The following GNG12 variants were observed in gnomAD, a reference collection of about 807,000 sequenced individuals.
GNG12 encodes the protein guanine nucleotide-binding protein G(I)/G(S)/G(O) subunit gamma-12.
For missense variants in GNG12, 69 were observed against 83.8 expected, an observed-to-expected ratio of 0.82 and a Z score of 0.69; for synonymous variants, 28 against 29.7, an observed-to-expected ratio of 0.94 and a Z score of 0.19.
chr1:67,761,485 A>C (rs1646604303), intron 2 of GNG12, among the ~76,000 whole-genome samples: 2 of 152,112 alleles, frequency 1.3e-5, no homozygotes, highest in Non-Finnish European at 1.5e-5. Context: ...CATGAAGGGA[A>C]TGGATAATGG....
intron 1 of GNG12, 91 bp downstream of exon 1, chr1:67,833,253 C>T: frequency 1.1e-5 from 3 of 284,510 alleles, no homozygotes; most frequent in Non-Finnish European, 1.6e-5. Flanking sequence ...GACTCGGAGG[C>T]GGCCCCCGAA....
At chr1:67,771,292 A>T (rs78764269) in intron 2 of GNG12, among the ~76,000 whole-genome samples, 3 of 152,246 alleles carry the variant, frequency 2.0e-5, no homozygotes, top group African/African-American at 7.2e-5. Context: ...GACTTCACAG[A>T]CACTACCTCA....
chr1:67,717,054 C>T (rs1412099605), intron 2 of GNG12, among the ~76,000 whole-genome samples: 1 of 152,126 alleles, frequency 6.6e-6, no homozygotes, highest in Admixed American at 6.5e-5. Flanking sequence ...TTAAGAAAGT[C>T]TGATTCAGTA....
Position 67,833,407 on chromosome 1 carries a change from C to T in GNG12, c.-140G>A, listed in dbSNP as rs1007030482. ...CTCGGTCTCTAAGGGCTCCTGGAGACGGCTCCGACCTCTCCTCCTCCTCCT... is the reference window on the plus strand; with the variant it reads ...CTCGGTCTCTAAGGGCTCCTGGAGATGGCTCCGACCTCTCCTCCTCCTCCT... On this transcript the variant is annotated 5_prime_UTR_variant, in exon 1 of 4. Transcript: ENST00000370982. 1.5e-5 allele frequency: 15 copies of T among 985,264 alleles called. No individual in the cohort carries two copies. The highest frequency in any genetic ancestry group is 1.6e-5 in the Non-Finnish European group (13 of 830,100). The allele number at this position is 985,264 out of a possible 1,614,324, so 61.0% of individuals were successfully genotyped here.
rs562979462 is a variant in GNG12 at position 67,787,135 on chromosome 1, C to T, written c.-76-9628G>A. ...AACAACTCACGAGGCCACCATAGCT[C>T]CAGTGGCACATAATCTAATCGCAGT... On this transcript the variant is annotated intron_variant, in intron 1 of 3. Transcript: ENST00000370982. Among the ~76,000 whole-genome samples the T allele has an allele frequency of 2.0e-5, 3 of 150,780 alleles. No individual in the cohort carries two copies. The South Asian group carries it at 6.3e-4, about 32-fold the overall frequency.
At chr1:67,722,977 T>C (rs1270625078) in intron 2 of GNG12, among the ~76,000 whole-genome samples, 1 of 152,186 alleles carries the variant, frequency 6.6e-6, no homozygotes, top group Non-Finnish European at 1.5e-5. Flanking sequence ...CAAGAGTGCC[T>C]ATCTCACAGG....
At chr1:67,712,520 T>C (rs955815642) in intron 2 of GNG12, among the ~76,000 whole-genome samples, 2 of 152,094 alleles carry the variant, frequency 1.3e-5, no homozygotes, top group African/African-American at 4.8e-5. Flanking sequence ...TAAAAACTAG[T>C]CTCTACAAAT....
intron 1 of GNG12, among the ~76,000 whole-genome samples, chr1:67,816,419 T>A (rs1176448433): frequency 6.6e-6 from 1 of 152,206 alleles, no homozygotes; most frequent in Non-Finnish European, 1.5e-5. Context: ...TCTTTGGATA[T>A]GCGTGCAAGG....
chr1:67,761,293 A>G, intron 2 of GNG12, among the ~76,000 whole-genome samples: 1 of 152,246 alleles, frequency 6.6e-6, no homozygotes. Context: ...ACAACCTATG[A>G]GACAGCTTTA....
At chr1:67,748,076 A>G (rs1239286179) in intron 2 of GNG12, among the ~76,000 whole-genome samples, 1 of 152,210 alleles carries the variant, frequency 6.6e-6, no homozygotes, top group Non-Finnish European at 1.5e-5. Flanking sequence ...AGAACATTCT[A>G]TATCAGAACA....
intron 1 of GNG12, among the ~76,000 whole-genome samples, chr1:67,829,554 A>G (rs1000661506): frequency 2.6e-5 from 4 of 152,246 alleles, no homozygotes; most frequent in Non-Finnish European, 5.9e-5. Flanking sequence ...AAATTTCAAT[A>G]ATTTAATGTT....
intron 2 of GNG12, among the ~76,000 whole-genome samples, chr1:67,742,467 T>G (rs894660371): frequency 1.3e-5 from 2 of 152,162 alleles, no homozygotes; most frequent in Non-Finnish European, 2.9e-5. Context: ...GAGAAGCTTA[T>G]AGCTCTAACT....
At chr1:67,735,564 A>G (rs916769177) in intron 2 of GNG12, among the ~76,000 whole-genome samples, 1 of 152,238 alleles carries the variant, frequency 6.6e-6, no homozygotes, top group Non-Finnish European at 1.5e-5. Flanking sequence ...CTATCTGAGG[A>G]TGAAATGCAT....
chr1:67,720,937 A>T (rs1241582161), intron 2 of GNG12, among the ~76,000 whole-genome samples: 1 of 152,186 alleles, frequency 6.6e-6, no homozygotes, highest in Non-Finnish European at 1.5e-5. Flanking sequence ...TTGATTAATA[A>T]TATATTCTTA....
chr1:67,737,352 G>A (rs1336156152), intron 2 of GNG12, among the ~76,000 whole-genome samples: 1 of 152,158 alleles, frequency 6.6e-6, no homozygotes, highest in East Asian at 1.9e-4. Context: ...AAATATAAAT[G>A]ATTTCTGTTC....
At chr1:67,792,447 G>A (rs888938734) in intron 1 of GNG12, among the ~76,000 whole-genome samples, 1 of 152,016 alleles carries the variant, frequency 6.6e-6, no homozygotes, top group Non-Finnish European at 1.5e-5. Flanking sequence ...TTTAAACTAC[G>A]TATGCCTTAC....
chr1:67,777,476 T>C lies in GNG12; in HGVS notation c.-45A>G. The C allele has an allele frequency of 4.3e-6, 4 of 920,588 alleles. No individual in the cohort carries two copies. The highest frequency in any genetic ancestry group is 5.2e-6 in the Non-Finnish European group (4 of 770,718). The allele number at this position is 920,588 out of a possible 1,614,324, so 57.0% of individuals were successfully genotyped here. On this transcript the variant is annotated 5_prime_UTR_variant, in exon 2 of 4. Transcript: ENST00000370982. ...AACTTACCAGTAAGACTTTGTGTGG[T>C]CCAATGTTTTCAGGTTTTAAGTGGA...
intron 1 of GNG12, among the ~76,000 whole-genome samples, chr1:67,820,856 T>C (rs1012773755): frequency 1.3e-5 from 2 of 152,212 alleles, no homozygotes; most frequent in South Asian, 2.1e-4. Flanking sequence ...CGGGACACTA[T>C]ACTCTCTCAA....
Position 67,822,628 on chromosome 1 carries a change from A to G in GNG12, c.-77+10716T>C, listed in dbSNP as rs183799040. On this transcript the variant is annotated intron_variant, in intron 1 of 3. Transcript: ENST00000370982. ...AAACAGAGCACTGGGCCTGGAAGAT[A>G]AAATTTTTCCTTTGGGATTTTTCAT... 3.4e-3 allele frequency among the ~76,000 whole-genome samples: 521 copies of G among 152,334 alleles called. 1 individual carries two copies. Among genetic ancestry groups the G allele is most frequent in the African/African-American group, 0.012 (498 of 41,574 alleles).
Sources: gnomAD v4.1 joint callset for allele counts (sites outside exome capture counted in the v4.1 genomes callset) on GRCh38, gnomAD v4.1.1 for gene constraint, MANE v1.5 for transcripts, NCBI Gene and HGNC (gene_info 2026-07-23, HGNC 2026-07-21) for gene names.